Variants in VPS13B observed in about 807,000 individuals in gnomAD.
VPS13B encodes the protein vacuolar protein sorting 13 homolog B.
In VPS13B, 285 loss-of-function variants were observed where a neutral mutation model predicts 426.4. That is an observed-to-expected ratio of 0.67 (90% CI 0.61 to 0.74). The LOEUF (loss-of-function observed/expected upper bound fraction) is 0.74, where lower values mean the gene tolerates loss of function less well. VPS13B is among the 30% of genes least tolerant of loss of function. VPS13B has a pLI of 0.00. For synonymous variants in VPS13B, 1,676 were observed against 1,676.4 expected, an observed-to-expected ratio of 1.00 and a Z score of 0.01; for missense variants, 4,537 against 4,782.6, an observed-to-expected ratio of 0.95 and a Z score of 1.51.
At chr8:99,418,499 CTTTCTTTCTTT>C (rs1816177305) in intron 21 of VPS13B, among the ~76,000 whole-genome samples, 1 of 136,506 alleles carries the variant, frequency 7.3e-6, no homozygotes, top group Non-Finnish European at 1.6e-5. Context: ...TTCTTTCTTT[CTTTCTTTCTTT>C]CTTTCCTTTC....
At chr8:99,329,293 C>T (rs1810436576) in intron 19 of VPS13B, among the ~76,000 whole-genome samples, 1 of 151,908 alleles carries the variant, frequency 6.6e-6, no homozygotes. Context: ...TGATTCATTT[C>T]AATAAAAGCA....
intron 39 of VPS13B, among the ~76,000 whole-genome samples, chr8:99,742,024 A>G (rs1372848204): frequency 6.6e-5 from 10 of 152,226 alleles, no homozygotes; most frequent in Non-Finnish European, 7.3e-5. Context: ...CAGAAAATCA[A>G]TGAATCCAGG....
intron 17 of VPS13B, among the ~76,000 whole-genome samples, chr8:99,259,470 TGGGCAAGTAGG>T (rs1340472247): frequency 6.6e-6 from 1 of 152,006 alleles, no homozygotes; most frequent in Non-Finnish European, 1.5e-5. Context: ...GAAGGGAGTG[TGGGCAAGTAGG>T]GGGGAATTGG....
At chr8:99,579,205 AT>A (rs1213639694) in intron 33 of VPS13B, among the ~76,000 whole-genome samples, 1 of 152,204 alleles carries the variant, frequency 6.6e-6, no homozygotes, top group African/African-American at 2.4e-5. Flanking sequence ...AACTTTCCGT[AT>A]TTTAGAAAAG....
At chr8:99,343,817 G>T (rs964727232) in intron 19 of VPS13B, among the ~76,000 whole-genome samples, 2 of 152,120 alleles carry the variant, frequency 1.3e-5, no homozygotes, top group Admixed American at 6.5e-5. Flanking sequence ...GAAAGAAATG[G>T]AAGAAAACAT....
At chr8:99,062,046 G>A (rs1445890782) in intron 3 of VPS13B, among the ~76,000 whole-genome samples, 1 of 152,184 alleles carries the variant, frequency 6.6e-6, no homozygotes, top group Non-Finnish European at 1.5e-5. Flanking sequence ...CGAAGCTCAT[G>A]TCTCAACAGT....
chr8:99,445,170 G>A (rs1181073877), intron 23 of VPS13B, among the ~76,000 whole-genome samples: 1 of 150,386 alleles, frequency 6.6e-6, no homozygotes, highest in Non-Finnish European at 1.5e-5. Context: ...CTTCCTTGAT[G>A]GCTTTCTTTG....
At chr8:99,373,881 TA>T (rs1813330594) in intron 19 of VPS13B, among the ~76,000 whole-genome samples, 1 of 152,074 alleles carries the variant, frequency 6.6e-6, no homozygotes, top group Non-Finnish European at 1.5e-5. Flanking sequence ...TTTACCAACA[TA>T]TTTACCCTTT....
chr8:99,825,487 T>G (rs184721721), intron 51 of VPS13B, among the ~76,000 whole-genome samples: 39 of 152,312 alleles, frequency 2.6e-4, no homozygotes, highest in African/African-American at 9.4e-4. Flanking sequence ...CTTTGTCAGA[T>G]GGATAGACTG....
intron 3 of VPS13B, among the ~76,000 whole-genome samples, chr8:99,083,828 GC>G (rs1310914595): frequency 3.0e-5 from 4 of 135,452 alleles, no homozygotes; most frequent in African/African-American, 1.1e-4. Flanking sequence ...TGGTGGATAA[GC>G]TTTTTGATGT....
intron 19 of VPS13B, among the ~76,000 whole-genome samples, chr8:99,312,745 T>A (rs1323063237): frequency 6.6e-6 from 1 of 152,220 alleles, no homozygotes; most frequent in African/African-American, 2.4e-5. Flanking sequence ...GTTCTCCGGA[T>A]AATATCTTGC....
intron 3 of VPS13B, among the ~76,000 whole-genome samples, chr8:99,055,025 G>T (rs867411557): frequency 2.9e-5 from 4 of 136,984 alleles, no homozygotes; most frequent in Middle Eastern, 7.8e-3. Context: ...TTCCTATTTT[G>T]TATTTCTGTT....
At chr8:99,268,387 T>A (rs1588191848) in intron 17 of VPS13B, among the ~76,000 whole-genome samples, 1 of 152,300 alleles carries the variant, frequency 6.6e-6, no homozygotes, top group East Asian at 1.9e-4. Context: ...AATGCCAGCC[T>A]GTGAAAGCAG....
At chr8:99,048,417 G>A (rs573584851) in intron 3 of VPS13B, among the ~76,000 whole-genome samples, 3 of 152,142 alleles carry the variant, frequency 2.0e-5, no homozygotes, top group African/African-American at 7.2e-5. Context: ...ACTTTCTGTC[G>A]TGATAACCTG....
At chr8:99,365,134 C>G (rs1812784304) in intron 19 of VPS13B, among the ~76,000 whole-genome samples, 1 of 150,498 alleles carries the variant, frequency 6.6e-6, no homozygotes, top group Admixed American at 6.6e-5. Flanking sequence ...TCTCCTTTTT[C>G]ATCTTTGATT....
At chr8:99,315,479 T>C (rs892456962) in intron 19 of VPS13B, among the ~76,000 whole-genome samples, 42 of 152,070 alleles carry the variant, frequency 2.8e-4, no homozygotes, top group African/African-American at 9.9e-4. Flanking sequence ...ATTTCCAGAA[T>C]TTCCATTTGG....
At chr8:99,016,344 T>C (rs893672753) in intron 2 of VPS13B, among the ~76,000 whole-genome samples, 2 of 152,236 alleles carry the variant, frequency 1.3e-5, no homozygotes, top group African/African-American at 4.8e-5. Context: ...CAACAACTTA[T>C]AAGCATTCCA....
At chr8:99,148,517 G>A (rs968517141) in intron 14 of VPS13B, among the ~76,000 whole-genome samples, 10 of 152,008 alleles carry the variant, frequency 6.6e-5, no homozygotes, top group Admixed American at 6.6e-4. Flanking sequence ...AATCTTGAGA[G>A]TGTATAAAGA....
chr8:99,397,712 G>A (rs539879361), intron 21 of VPS13B, among the ~76,000 whole-genome samples: 34 of 152,258 alleles, frequency 2.2e-4, no homozygotes, highest in Admixed American at 2.1e-3. Flanking sequence ...TTTCCTCATG[G>A]TTCATGATGG....
Sources: gnomAD v4.1 joint callset for allele counts (sites outside exome capture counted in the v4.1 genomes callset) on GRCh38, gnomAD v4.1.1 for gene constraint, MANE v1.5 for transcripts, NCBI Gene and HGNC (gene_info 2026-07-23, HGNC 2026-07-21) for gene names.